The following KCNH8 variants were observed in gnomAD, a reference collection of about 807,000 sequenced individuals.
KCNH8 encodes potassium voltage-gated channel subfamily H member 8.
KCNH8 carries 70 observed loss-of-function variants against 103.6 expected under a neutral mutation model. The ratio of observed to expected loss-of-function variants is 0.68; its 90% CI spans 0.56 to 0.82. The LOEUF (loss-of-function observed/expected upper bound fraction) is 0.82, where lower values mean the gene tolerates loss of function less well. Ranked by LOEUF, KCNH8 falls within the 40% of genes least tolerant of loss-of-function variation. The pLI is 0.00. For synonymous variants in KCNH8, 498 were observed against 489.4 expected, an observed-to-expected ratio of 1.02 and a Z score of -0.23; for missense variants, 1,217 against 1,329.9, an observed-to-expected ratio of 0.92 and a Z score of 1.32.
At chr3:19,493,249 G>A (rs902371566) in intron 11 of KCNH8, among the ~76,000 whole-genome samples, 1 of 151,976 alleles carries the variant, frequency 6.6e-6, no homozygotes, top group Non-Finnish European at 1.5e-5. Flanking sequence ...AGGACTTTCA[G>A]TACTATGTTG....
intron 11 of KCNH8, among the ~76,000 whole-genome samples, chr3:19,469,255 G>C (rs1267332779): frequency 1.3e-5 from 2 of 152,106 alleles, no homozygotes; most frequent in Non-Finnish European, 2.9e-5. Flanking sequence ...CAAGTGTTTT[G>C]TCAGTTGTGT....
chr3:19,351,893 C>A (rs1301572774), intron 5 of KCNH8, among the ~76,000 whole-genome samples: 1 of 152,078 alleles, frequency 6.6e-6, no homozygotes, highest in African/African-American at 2.4e-5. Flanking sequence ...ACAATATTAA[C>A]CTTAAATGTA....
chr3:19,153,815 G>T (rs1182445597), intron 1 of KCNH8, among the ~76,000 whole-genome samples: 2 of 151,562 alleles, frequency 1.3e-5, no homozygotes, highest in Admixed American at 1.3e-4. Flanking sequence ...TGCATTTTTA[G>T]TAGAGACGGG....
At chr3:19,492,627 G>C (rs956130823) in intron 11 of KCNH8, among the ~76,000 whole-genome samples, 2 of 151,846 alleles carry the variant, frequency 1.3e-5, no homozygotes, top group Non-Finnish European at 2.9e-5. Flanking sequence ...CTTCATTTTT[G>C]TTGTTGTTGT....
intron 2 of KCNH8, among the ~76,000 whole-genome samples, chr3:19,276,175 ATGTGTGTGTGTGTG>A (rs59768467): frequency 1.4e-5 from 2 of 141,878 alleles, no homozygotes; most frequent in African/African-American, 2.6e-5. Context: ...CAATATGTAT[ATGTGTGTGTGTGTG>A]TGTGTGTGTG....
At chr3:19,215,011 A>T (rs1398669676) in intron 1 of KCNH8, among the ~76,000 whole-genome samples, 3 of 152,160 alleles carry the variant, frequency 2.0e-5, no homozygotes, top group Non-Finnish European at 2.9e-5. Context: ...CACGCCCATT[A>T]TCTGTTTCAT....
At chr3:19,224,832 A>G (rs992351506) in intron 1 of KCNH8, among the ~76,000 whole-genome samples, 20 of 152,310 alleles carry the variant, frequency 1.3e-4, no homozygotes, top group African/African-American at 4.8e-4. Context: ...GTTAATGAGT[A>G]CTGTACAAAC....
At chr3:19,279,588 G>T (rs909771520) in intron 2 of KCNH8, among the ~76,000 whole-genome samples, 1 of 149,584 alleles carries the variant, frequency 6.7e-6, no homozygotes, top group South Asian at 2.1e-4. Context: ...AAAAAAATAA[G>T]GAGGAAATCA....
At chr3:19,307,704 A>G (rs2065148134) in intron 3 of KCNH8, among the ~76,000 whole-genome samples, 1 of 152,018 alleles carries the variant, frequency 6.6e-6, no homozygotes, top group Non-Finnish European at 1.5e-5. Context: ...ACATAATGGA[A>G]TACTATTCAG....
rs1166245298 is a variant in KCNH8 at position 19,528,457 on chromosome 3, G to A, written c.2620-4938G>A. Among the ~76,000 whole-genome samples the A allele has an allele frequency of 3.3e-5, 5 of 151,930 alleles. No individual in the cohort carries two copies. In the South Asian group the frequency reaches 6.2e-4, roughly 19 times the overall value. Reference sequence around the variant, plus strand: ...AAATCCAGCAGAAACCTTGGCCAACGGAGACATATTTCTACAATTATGAAG... The same window carrying A: ...AAATCCAGCAGAAACCTTGGCCAACAGAGACATATTTCTACAATTATGAAG... On this transcript the variant is annotated intron_variant, in intron 15 of 15. Transcript: ENST00000328405.
intron 3 of KCNH8, among the ~76,000 whole-genome samples, chr3:19,340,858 T>C (rs73182749): frequency 0.11 from 16,776 of 152,084 alleles, 1,088 homozygotes; most frequent in East Asian, 0.18. Flanking sequence ...GAGGAAATAA[T>C]TCAGCCAAGG....
intron 3 of KCNH8, among the ~76,000 whole-genome samples, chr3:19,290,810 T>C (rs1377966851): frequency 6.6e-6 from 1 of 152,222 alleles, no homozygotes; most frequent in Non-Finnish European, 1.5e-5. Context: ...TGGAATAGTT[T>C]CAGAAAGAAT....
At chr3:19,310,484 T>C (rs893399412) in intron 3 of KCNH8, among the ~76,000 whole-genome samples, 2 of 151,920 alleles carry the variant, frequency 1.3e-5, no homozygotes, top group Non-Finnish European at 2.9e-5. Flanking sequence ...TGATTTTCTT[T>C]TTGTGTTATT....
intron 3 of KCNH8, among the ~76,000 whole-genome samples, chr3:19,303,885 A>T (rs1038812460): frequency 6.6e-6 from 1 of 152,102 alleles, no homozygotes; most frequent in African/African-American, 2.4e-5. Flanking sequence ...TGCTCCCAAG[A>T]GCTGGGGAAA....
At chr3:19,206,367 T>C (rs1349008377) in intron 1 of KCNH8, among the ~76,000 whole-genome samples, 3 of 151,590 alleles carry the variant, frequency 2.0e-5, no homozygotes, top group South Asian at 4.2e-4. Flanking sequence ...TATAAACGTG[T>C]GTGCAAGTAT....
chr3:19,234,316 TGGGCGCCGTTGAGCAGG>T (rs2125240190), intron 1 of KCNH8, among the ~76,000 whole-genome samples: 1 of 152,282 alleles, frequency 6.6e-6, no homozygotes, highest in African/African-American at 2.4e-5. Flanking sequence ...TCCATGGGAC[TGGGCGCCGTTGAGCAGG>T]GGGCGCCGCT....
At chr3:19,233,291 C>T (rs1053824423) in intron 1 of KCNH8, among the ~76,000 whole-genome samples, 3 of 152,032 alleles carry the variant, frequency 2.0e-5, no homozygotes, top group Admixed American at 2.0e-4. Context: ...TTAAATCTAC[C>T]TAGAAACATG....
At chr3:19,499,026 A>G (rs1156614442) in intron 11 of KCNH8, among the ~76,000 whole-genome samples, 1 of 152,292 alleles carries the variant, frequency 6.6e-6, no homozygotes, top group East Asian at 1.9e-4. Flanking sequence ...AAAGGAAAAG[A>G]AGTTGAGAAC....
intron 7 of KCNH8, among the ~76,000 whole-genome samples, chr3:19,402,140 A>G (rs1372715308): frequency 2.0e-5 from 3 of 151,992 alleles, no homozygotes; most frequent in Non-Finnish European, 2.9e-5. Context: ...AAGCTCAGAG[A>G]AATTCTGAAG....
Sources: gnomAD v4.1 joint callset for allele counts (sites outside exome capture counted in the v4.1 genomes callset) on GRCh38, gnomAD v4.1.1 for gene constraint, MANE v1.5 for transcripts, NCBI Gene and HGNC (gene_info 2026-07-23, HGNC 2026-07-21) for gene names.